Variants in DAW1 observed in about 807,000 individuals in gnomAD.
DAW1 encodes dynein assembly factor with WD repeat domains 1.
A neutral mutation model predicts 56.5 loss-of-function variants in DAW1; 47 were observed. That is an observed-to-expected ratio of 0.83 (90% CI 0.66 to 1.06). The LOEUF (loss-of-function observed/expected upper bound fraction) is 1.06. DAW1 is among the 50% of genes least tolerant of loss of function. DAW1 has a pLI of 0.00. For missense variants in DAW1, 505 were observed against 499.3 expected, an observed-to-expected ratio of 1.01 and a Z score of -0.11; for synonymous variants, 190 against 179.0, an observed-to-expected ratio of 1.06 and a Z score of -0.49.
At chr2:227,880,875 A>G (rs1690995000) in intron 1 of DAW1, among the ~76,000 whole-genome samples, 1 of 152,192 alleles carries the variant, frequency 6.6e-6, no homozygotes, top group Non-Finnish European at 1.5e-5. Context: ...AACTCAGAGG[A>G]GATATAGACT....
intron 5 of DAW1, chr2:227,895,487 T>G (rs1341294940): frequency 3.3e-5 from 5 of 152,186 alleles, no homozygotes; most frequent in African/African-American, 1.2e-4. Flanking sequence ...CACTGTGATT[T>G]CTCCTGGTAA....
chr2:227,871,642 G>C lies in DAW1; in HGVS notation c.-48G>C. The C allele has an allele frequency of 1.2e-6, 2 of 1,604,086 alleles. No homozygotes were observed. Among genetic ancestry groups the C allele is most frequent in the Non-Finnish European group, 1.7e-6 (2 of 1,175,054 alleles). On this transcript the variant is annotated 5_prime_UTR_variant, in exon 1 of 13. Coordinates refer to ENST00000309931, the MANE Select transcript of DAW1 (RefSeq NM_178821.3). ...ACCCGCGTCCCGCTGCTGTTTAGCC[G>C]TTTCCAAGGCTACGAAGCCCATCGG...
chr2:227,881,229 T>G (rs926738501), intron 1 of DAW1, among the ~76,000 whole-genome samples: 2 of 152,204 alleles, frequency 1.3e-5, no homozygotes, highest in Non-Finnish European at 2.9e-5. Flanking sequence ...ACCAATTAGT[T>G]CATGTATTCA....
At chr2:227,880,591 G>A (rs1690988271) in intron 1 of DAW1, among the ~76,000 whole-genome samples, 1 of 152,138 alleles carries the variant, frequency 6.6e-6, no homozygotes, top group Non-Finnish European at 1.5e-5. Context: ...AGTGTTCTGG[G>A]CAGTTTCTTG....
intron 8 of DAW1, 32 bp downstream of exon 8, chr2:227,905,067 C>T (rs1255318612): frequency 6.3e-7 from 1 of 1,586,558 alleles, no homozygotes; most frequent in East Asian, 2.3e-5. Flanking sequence ...TTGTTTTAAC[C>T]TGGATCAGGG....
rs572006640 is a variant in DAW1 at position 227,915,561 on chromosome 2, T to C, written c.974-3219T>C. 4.6e-5 allele frequency among the ~76,000 whole-genome samples: 7 copies of C among 152,252 alleles called. No homozygotes were observed. The South Asian group carries it at 1.4e-3, about 32-fold the overall frequency. On this transcript the variant is annotated intron_variant, in intron 10 of 12. Transcript: ENST00000309931. ...AATGACCCTGTGTGATGCTAAACTATTTCTGTGACACCTCCTTGACAATAA... is the reference window on the plus strand; with the variant it reads ...AATGACCCTGTGTGATGCTAAACTACTTCTGTGACACCTCCTTGACAATAA...
chr2:227,920,015 T>C (rs566210573), intron 11 of DAW1, among the ~76,000 whole-genome samples: 1 of 152,176 alleles, frequency 6.6e-6, no homozygotes, highest in African/African-American at 2.4e-5. Context: ...GGGAGGCTTA[T>C]GGATGGCAGG....
At chr2:227,891,107 C>A in intron 3 of DAW1, 148 bp from the exon 4 acceptor site, 1 of 637,592 alleles carries the variant, frequency 1.6e-6, no homozygotes, top group Non-Finnish European at 2.7e-6. Flanking sequence ...CAATAAGATG[C>A]CACATAGCAC....
chr2:227,893,371 A>G (rs1309489983), intron 4 of DAW1, among the ~76,000 whole-genome samples: 1 of 151,458 alleles, frequency 6.6e-6, no homozygotes, highest in East Asian at 2.0e-4. Context: ...TTTCCATTGT[A>G]AAAAGCATAA....
chr2:227,876,431 T>C (rs1377813609), intron 1 of DAW1: 1 of 1,302,416 alleles, frequency 7.7e-7, no homozygotes, highest in African/African-American at 1.5e-5. Flanking sequence ...ACATTTAATT[T>C]CTGAATTCCA....
At chr2:227,901,027 G>A (rs766831471) in intron 6 of DAW1, among the ~76,000 whole-genome samples, 1 of 152,182 alleles carries the variant, frequency 6.6e-6, no homozygotes, top group Non-Finnish European at 1.5e-5. Flanking sequence ...CTAGGAGATG[G>A]TATGATCAGC....
chr2:227,897,212 ACT>A (rs1156891189), intron 5 of DAW1, among the ~76,000 whole-genome samples: 1 of 151,846 alleles, frequency 6.6e-6, no homozygotes, highest in East Asian at 1.9e-4. Flanking sequence ...TAGGTCAGAC[ACT>A]CTGTTAGGAA....
At chr2:227,891,408 C>A in intron 4 of DAW1, 95 bp downstream of exon 4, 1 of 1,079,002 alleles carries the variant, frequency 9.3e-7, no homozygotes, top group South Asian at 1.4e-5. Flanking sequence ...ATAATATATT[C>A]ATTTTTCTGA....
chr2:227,902,866 G>T, intron 6 of DAW1, 136 bp from the exon 7 acceptor site: 1 of 843,870 alleles, frequency 1.2e-6, no homozygotes, highest in South Asian at 1.8e-5. Context: ...GGGGTAGCAG[G>T]TCACACATAC....
In DAW1 at chr2:227,893,818, G is replaced by A. The variant is rs759511456; in HGVS notation, c.341G>A (p.Arg114Gln). The A allele has an allele frequency of 2.6e-5, 42 of 1,613,108 alleles. No individual in the cohort carries two copies. In the East Asian group the frequency reaches 5.1e-4, roughly 20 times the overall value. The change falls in exon 5 of 13, where the codon CGG (arginine) becomes CAG (glutamine). Residue 114 changes from arginine to glutamine, a missense_variant. By Grantham distance (43) the Arg-to-Gln change is conservative (BLOSUM62 1). Transcript: ENST00000309931. ...AGCTTTATCACAGGAAGCTATGATC[G>A]GACGTGCAAGCTCTGGGACACTGCG... ...GSCFITGSYD[R>Q]TCKLWDTASG...
At position 227,924,010 on chromosome 2, in the gene DAW1, A is replaced by G; in HGVS notation, c.*42A>G. 1 of 1,611,320 alleles carries G rather than the reference A, an allele frequency of 6.2e-7. No homozygotes were observed. Among genetic ancestry groups the G allele is most frequent in the Non-Finnish European group, 8.5e-7 (1 of 1,177,880 alleles). ...AGTGAGCAACCTTGCTAGCAATGGT[A>G]ATCAAGAACTGGAACTTCACAGACA... On this transcript the variant is annotated 3_prime_UTR_variant, in exon 13 of 13. Coordinates refer to ENST00000309931, the MANE Select transcript of DAW1 (RefSeq NM_178821.3).
At chr2:227,918,176 C>T (rs1382347862) in intron 10 of DAW1, among the ~76,000 whole-genome samples, 2 of 38,480 alleles carry the variant, frequency 5.2e-5, no homozygotes, top group Non-Finnish European at 5.9e-5. Flanking sequence ...ATCCATCATC[C>T]ATCCATCCAT....
chr2:227,884,403 G>C lies in DAW1; in HGVS notation c.41-948G>C, dbSNP rs145223131. Among the ~76,000 whole-genome samples, 423 of 152,242 alleles carry C rather than the reference G, an allele frequency of 2.8e-3. 2 individuals are homozygous for C. The highest frequency in any genetic ancestry group is 9.4e-3 in the African/African-American group (391 of 41,538). ...TAAAAAATTGTATCCTAGACGTTTT[G>C]ATTATTACGGGGATCCTTGATCCTA... On this transcript the variant is annotated intron_variant, in intron 1 of 12. Transcript: ENST00000309931.
In DAW1 at chr2:227,885,412, T is replaced by C; in HGVS notation, c.102T>C (p.Asp34=). ...AGACTAAGTCCATAGATTTGCTTGA[T>C]CTTGGTCCCAGGTAAGTAAGCTGTA... ...ELKTKSIDLL[D]LGPSTDVSAL... The change falls in exon 2 of 13, where the codon GAT becomes GAC. Residue 34 remains aspartate, a synonymous_variant. Coordinates refer to ENST00000309931, the MANE Select transcript of DAW1 (RefSeq NM_178821.3). 6.2e-7 allele frequency: 1 copy of C among 1,602,958 alleles called. No homozygotes were observed. The highest frequency in any genetic ancestry group is 8.5e-7 in the Non-Finnish European group (1 of 1,176,160).
Sources: gnomAD v4.1 joint callset for allele counts (sites outside exome capture counted in the v4.1 genomes callset) on GRCh38, gnomAD v4.1.1 for gene constraint, MANE v1.5 for transcripts, NCBI Gene and HGNC (gene_info 2026-07-23, HGNC 2026-07-21) for gene names.